The following RYR3 variants were observed in gnomAD, a reference collection of about 807,000 sequenced individuals.
The protein encoded by RYR3 is brain ryanodine receptor-calcium release channel.
RYR3 carries 207 observed loss-of-function variants against 584.3 expected under a neutral mutation model. The ratio of observed to expected loss-of-function variants is 0.35; its 90% CI spans 0.32 to 0.40. The LOEUF (loss-of-function observed/expected upper bound fraction) is 0.40. Among genes scored for constraint, RYR3 ranks in the 10% least tolerant of loss-of-function variants. The pLI is 1.00. For missense variants in RYR3, 5,616 were observed against 6,089.2 expected (o/e 0.92, Z 2.59); for synonymous variants, 2,416 against 2,248.5 (o/e 1.07, Z -2.11).
chr15:33,559,619 C>G (rs1382387716), intron 10 of RYR3, among the ~76,000 whole-genome samples: 2 of 152,156 alleles, frequency 1.3e-5, no homozygotes, highest in Non-Finnish European at 2.9e-5. Flanking sequence ...TGGTCCTTAT[C>G]TGCCTAGTAC....
intron 32 of RYR3, among the ~76,000 whole-genome samples, chr15:33,655,707 A>G (rs965308655): frequency 6.6e-6 from 1 of 152,220 alleles, no homozygotes; most frequent in African/African-American, 2.4e-5. Flanking sequence ...AGGAGACAGT[A>G]TCAGGACTCT....
At chr15:33,708,432 T>A (rs977241068) in intron 43 of RYR3, among the ~76,000 whole-genome samples, 3 of 152,196 alleles carry the variant, frequency 2.0e-5, no homozygotes, top group Non-Finnish European at 4.4e-5. Context: ...CTGGCTCTTC[T>A]TCTACCCGGA....
intron 57 of RYR3, among the ~76,000 whole-genome samples, chr15:33,754,578 C>T (rs2071629603): frequency 6.6e-6 from 1 of 152,188 alleles, no homozygotes; most frequent in African/African-American, 2.4e-5. Flanking sequence ...ACCCTGACTA[C>T]CCTATTTAAC....
intron 12 of RYR3, among the ~76,000 whole-genome samples, chr15:33,574,309 C>T (rs8041171): frequency 2.6e-5 from 4 of 152,098 alleles, no homozygotes; most frequent in African/African-American, 7.2e-5. Context: ...AAAAGCAAAA[C>T]GTAAGCCCTG....
In RYR3 at chr15:33,857,830, G is replaced by C; in HGVS notation, c.14058G>C (p.Val4686=). The C allele has an allele frequency of 4.3e-6, 7 of 1,614,178 alleles. No individual in the cohort carries two copies. The highest frequency in any genetic ancestry group is 5.9e-6 in the Non-Finnish European group (7 of 1,180,034). ...CCGTGGTGGTTTATCTCTATACTGT[G>C]GTGGCTTTCAACTTCTTCCGCAAGT... The part of the protein sequence containing the change: ...LLAVVVYLYT[V]VAFNFFRKFY... The change falls in exon 99 of 104, where the codon GTG becomes GTC. Residue 4686 remains valine (V), a synonymous_variant. Coordinates refer to ENST00000634891, the MANE Select transcript of RYR3 (RefSeq NM_001036.6).
intron 1 of RYR3, among the ~76,000 whole-genome samples, chr15:33,349,007 G>A (rs1396783019): frequency 6.6e-6 from 1 of 150,870 alleles, no homozygotes; most frequent in Non-Finnish European, 1.5e-5. Context: ...TCATGTAATT[G>A]GAATCATACA....
chr15:33,349,585 T>C (rs1429525031), intron 1 of RYR3, among the ~76,000 whole-genome samples: 1 of 148,174 alleles, frequency 6.7e-6, no homozygotes, highest in Non-Finnish European at 1.5e-5. Context: ...TCTTTTTTTT[T>C]TCTTCAGATT....
chr15:33,809,669 T>C (rs1312368315), intron 70 of RYR3, among the ~76,000 whole-genome samples: 2 of 151,216 alleles, frequency 1.3e-5, no homozygotes, highest in Admixed American at 1.3e-4. Context: ...CGAGTCTTGC[T>C]CTGTCACCCA....
intron 60 of RYR3, among the ~76,000 whole-genome samples, chr15:33,765,058 T>C (rs1199056588): frequency 7.6e-6 from 1 of 131,350 alleles, no homozygotes; most frequent in Admixed American, 7.5e-5. Context: ...AAAGACATCA[T>C]ACAAGTCCTG....
intron 1 of RYR3, among the ~76,000 whole-genome samples, chr15:33,351,129 C>A (rs1486714948): frequency 6.6e-6 from 1 of 152,194 alleles, no homozygotes; most frequent in Non-Finnish European, 1.5e-5. Context: ...ATACTACAAA[C>A]ACCTCTACGC....
chr15:33,392,353 G>A (rs1284744618), intron 1 of RYR3, among the ~76,000 whole-genome samples: 1 of 151,342 alleles, frequency 6.6e-6, no homozygotes, highest in Non-Finnish European at 1.5e-5. Flanking sequence ...CTTGAAATAA[G>A]GCTGGAGCAC....
At chr15:33,411,781 C>T (rs2043428305) in intron 1 of RYR3, among the ~76,000 whole-genome samples, 1 of 152,186 alleles carries the variant, frequency 6.6e-6, no homozygotes, top group African/African-American at 2.4e-5. Flanking sequence ...TGCTGGTCTC[C>T]TCCCTCTGGT....
chr15:33,726,080 T>C, intron 45 of RYR3, among the ~76,000 whole-genome samples: 1 of 146,346 alleles, frequency 6.8e-6, no homozygotes, highest in Admixed American at 6.9e-5. Context: ...TGCAGTCACA[T>C]TGAGAAGCCA....
chr15:33,582,339 G>A (rs551155983), intron 14 of RYR3, among the ~76,000 whole-genome samples: 1 of 152,278 alleles, frequency 6.6e-6, no homozygotes, highest in Admixed American at 6.5e-5. Flanking sequence ...CCCACTGAGA[G>A]GAAATCTATC....
chr15:33,864,632 G>C (rs1597146709), intron 103 of RYR3: 1 of 173,720 alleles, frequency 5.8e-6, no homozygotes, highest in East Asian at 1.5e-4. Flanking sequence ...CAAATTTTGT[G>C]ACTAAATGTG....
At chr15:33,836,230 C>T (rs931280468) in intron 87 of RYR3, among the ~76,000 whole-genome samples, 5 of 142,014 alleles carry the variant, frequency 3.5e-5, no homozygotes, top group Non-Finnish European at 1.5e-5. Flanking sequence ...GTATGTGACT[C>T]GGAATACCTT....
intron 12 of RYR3, among the ~76,000 whole-genome samples, chr15:33,579,726 T>G (rs979674961): frequency 3.3e-5 from 5 of 152,172 alleles, no homozygotes; most frequent in African/African-American, 7.2e-5. Flanking sequence ...ATAAGTTGCT[T>G]GAAAATAAAT....
chr15:33,788,755 T>C (rs774849269), intron 67 of RYR3, among the ~76,000 whole-genome samples: 4 of 152,224 alleles, frequency 2.6e-5, no homozygotes, highest in Non-Finnish European at 5.9e-5. Flanking sequence ...TCTGCCCCTC[T>C]GCTGTTCACT....
chr15:33,550,103 A>C, intron 9 of RYR3, 57 bp from the exon 10 acceptor site: 3 of 1,551,960 alleles, frequency 1.9e-6, no homozygotes, highest in Non-Finnish European at 2.6e-6. Flanking sequence ...TAGGATAAAT[A>C]CTGAAAAGGA....
Sources: allele counts gnomAD v4.1 joint callset (sites outside exome capture counted in the v4.1 genomes callset), GRCh38; gene constraint gnomAD v4.1.1; transcripts MANE v1.5; gene names NCBI Gene and HGNC (gene_info 2026-07-23, HGNC 2026-07-21).